The following AP1B1 variants were observed in gnomAD, a reference collection of about 807,000 sequenced individuals.
The protein encoded by AP1B1 is adaptor related protein complex 1 subunit beta 1.
In AP1B1, 36 loss-of-function variants were observed where a neutral mutation model predicts 104.3. That is an observed-to-expected ratio of 0.35 (90% CI 0.26 to 0.46). AP1B1 has a LOEUF of 0.46. Ranked by LOEUF, AP1B1 falls within the 20% of genes least tolerant of loss-of-function variation. The pLI, the probability that AP1B1 is intolerant of heterozygous loss-of-function variation, is 1.00. For synonymous variants in AP1B1, 504 were observed against 517.5 expected (o/e 0.97, Z 0.35); for missense variants, 901 against 1,247.9 (o/e 0.72, Z 4.19).
At chr22:29,377,350 C>T (rs1379902989) in intron 1 of AP1B1, among the ~76,000 whole-genome samples, 3 of 151,966 alleles carry the variant, frequency 2.0e-5, no homozygotes, top group African/African-American at 2.4e-5. Flanking sequence ...TCTGAGAAAA[C>T]GTGGTTACCA....
rs754335314 is a variant in AP1B1, at chr22:29,358,796, T to C, written c.455A>G (p.Asn152Ser). ...AVCVAKLHDI[N>S]AQLVEDQGFL... ...GCCCTGGTCCTCCACCAGCTGGGCG[T>C]TGATGTCGTGGAGCTTGGCCACGCA... The change falls in exon 5 of 23, where the codon AAC becomes AGC. Residue 152 changes from asparagine to serine, a missense_variant. Physicochemically the swap from Asn to Ser is conservative, Grantham distance 46. Around this residue, in one of 3 missense-constraint regions of AP1B1, gnomAD observed 471 missense variants for 696.7 expected, o/e 0.68. Coordinates refer to ENST00000357586, the MANE Select transcript of AP1B1 (RefSeq NM_001127.4). 7 of 1,614,118 alleles carry C rather than the reference T, an allele frequency of 4.3e-6. No homozygotes were observed. Among genetic ancestry groups the C allele is most frequent in the East Asian group, 2.2e-5 (1 of 44,900 alleles).
chr22:29,343,489 G>A (rs1049558574), intron 11 of AP1B1, among the ~76,000 whole-genome samples: 1 of 152,274 alleles, frequency 6.6e-6, no homozygotes, highest in Non-Finnish European at 1.5e-5. Flanking sequence ...CAGATGAGCA[G>A]TAGGCTGGCT....
chr22:29,351,297 G>C (rs1437227097), intron 8 of AP1B1, 31 bp from the exon 9 acceptor site: 1 of 1,606,940 alleles, frequency 6.2e-7, no homozygotes, highest in Admixed American at 1.7e-5. Flanking sequence ...ATGGGGCTGG[G>C]GCACCTGATG....
At chr22:29,329,523 A>T in intron 22 of AP1B1, 189 bp downstream of exon 22, 1 of 1,431,534 alleles carries the variant, frequency 7.0e-7, no homozygotes, top group Non-Finnish European at 9.1e-7. Flanking sequence ...CCTAGGAAGG[A>T]CTCTGTGCAC....
At chr22:29,335,690 C>G (rs936592928) in intron 16 of AP1B1, among the ~76,000 whole-genome samples, 5 of 152,200 alleles carry the variant, frequency 3.3e-5, no homozygotes, top group African/African-American at 1.2e-4. Context: ...CTCCACGGGC[C>G]TTGGCCTCCA....
chr22:29,338,270 T>A (rs1346524977), intron 16 of AP1B1, among the ~76,000 whole-genome samples: 1 of 152,212 alleles, frequency 6.6e-6, no homozygotes, highest in East Asian at 1.9e-4. Flanking sequence ...GGAAGCCTGT[T>A]CTTTATCTTA....
intron 3 of AP1B1, among the ~76,000 whole-genome samples, 195 bp downstream of exon 3, chr22:29,362,805 CT>C (rs1285297525): frequency 6.6e-6 from 1 of 152,160 alleles, no homozygotes; most frequent in Non-Finnish European, 1.5e-5. Flanking sequence ...CCATAACCAC[CT>C]GACCTGTCAG....
intron 3 of AP1B1, among the ~76,000 whole-genome samples, chr22:29,362,219 G>A (rs748930734): frequency 2.6e-5 from 4 of 152,264 alleles, no homozygotes; most frequent in Non-Finnish European, 5.9e-5. Context: ...GACAGAGGCT[G>A]CACACCGGTG....
chr22:29,342,524 C>T (rs2061730008), intron 11 of AP1B1, 141 bp from the exon 12 acceptor site: 1 of 679,538 alleles, frequency 1.5e-6, no homozygotes, highest in Non-Finnish European at 2.5e-6. Context: ...GCTGTCACGG[C>T]ACACAGGCAA....
rs568723630 is a variant in AP1B1 at position 29,330,632 on chromosome 22, G to C, written c.2602C>G (p.Leu868Val). Residue 868 changes from leucine (L) to valine (V), a missense_variant, in exon 20 of 23, where the codon CTC becomes GTC. Physicochemically the swap from Leu to Val is conservative, Grantham distance 32. Transcript: ENST00000357586. ...EAQFQIRDCP[L>V]NAEAASSKLQ... ...GGCTCGGAGTCCTCACCTGCATTGA[G>C]GGGGCAGTCTCTGATCTGGAACTGG... is the stretch of plus-strand genomic sequence containing the variant. 3 of 1,613,892 alleles carry C rather than the reference G, an allele frequency of 1.9e-6. No homozygotes were observed. Among genetic ancestry groups the C allele is most frequent in the Admixed American group, 1.7e-5 (1 of 60,026 alleles).
At position 29,349,207 on chromosome 22, in the gene AP1B1, C is replaced by T. The variant is rs1258964492; in HGVS notation, c.1437+11G>A. On this transcript the variant is annotated intron_variant, in intron 11 of 22. Transcript: ENST00000357586. ...GTCATGACTCACACCCTGGCCAGCT[C>T]GCTGGCTCACCTGTGTGCTCTCGTC... The T allele has an allele frequency of 6.2e-6, 10 of 1,611,112 alleles. No homozygotes were observed. Among genetic ancestry groups the T allele is most frequent in the African/African-American group, 5.3e-5 (4 of 74,926 alleles).
chr22:29,331,200 G>C (rs962803765), intron 19 of AP1B1, among the ~76,000 whole-genome samples: 3 of 152,140 alleles, frequency 2.0e-5, no homozygotes, highest in African/African-American at 7.2e-5. Flanking sequence ...GCTGAGGAGC[G>C]AGCAGGAGAG....
Position 29,331,545 on chromosome 22 carries a change from G to A in AP1B1, c.2440-12C>T. 6.2e-7 allele frequency: 1 copy of A among 1,614,122 alleles called. No homozygotes were observed. Among genetic ancestry groups the A allele is most frequent in the Non-Finnish European group, 8.5e-7 (1 of 1,180,006 alleles). The stretch of plus-strand genomic sequence containing the variant: ...TTCTTCACGGCCACCTAGGCACAAG[G>A]GGGTCCCCAGTCAGTCTCTGGGGCT... On this transcript the variant is annotated splice_polypyrimidine_tract_variant and intron_variant, in intron 18 of 22. Coordinates refer to ENST00000357586, the MANE Select transcript of AP1B1 (RefSeq NM_001127.4).
intron 1 of AP1B1, among the ~76,000 whole-genome samples, chr22:29,378,819 A>C (rs1333950616): frequency 1.4e-5 from 2 of 146,590 alleles, no homozygotes; most frequent in East Asian, 4.0e-4. Flanking sequence ...AGATCGTGTC[A>C]CTGCACTCCA....
intron 11 of AP1B1, among the ~76,000 whole-genome samples, chr22:29,343,927 A>G (rs1382041423): frequency 3.3e-5 from 5 of 152,122 alleles, no homozygotes; most frequent in African/African-American, 4.8e-5. Flanking sequence ...CCTGGCCAAC[A>G]TGGTGAAACC....
rs145458957 is a variant in AP1B1 at position 29,328,842 on chromosome 22, G to A, written c.2829C>T (p.Tyr943=). ...PEVSQHVYQA[Y]ETILKN is the part of the protein sequence containing the mutation. Reference sequence around the variant, plus strand: ...GGTCTCAGTTCTTGAGGATGGTCTCGTAGGCCTGGTACACGTGCTGGGACA... The same window carrying A: ...GGTCTCAGTTCTTGAGGATGGTCTCATAGGCCTGGTACACGTGCTGGGACA... Residue 943 remains tyrosine (Y), a synonymous_variant, in exon 23 of 23, where the codon TAC becomes TAT. Transcript: ENST00000357586. The surrounding 1 kb of genome is among the most constrained non-coding windows in gnomAD (Gnocchi z 4.1). The A allele has an allele frequency of 1.6e-5, 25 of 1,608,408 alleles. No homozygotes were observed. Among genetic ancestry groups the A allele is most frequent in the East Asian group, 2.2e-5 (1 of 44,748 alleles).
At chr22:29,330,314 C>T (rs2061537516) in intron 21 of AP1B1, 64 bp downstream of exon 21, 2 of 1,601,224 alleles carry the variant, frequency 1.2e-6, no homozygotes, top group East Asian at 4.5e-5. Context: ...TCCACCAGGG[C>T]CACCCCCTGG....
At chr22:29,332,071 G>GACCCACAGCCCATCCTT in intron 17 of AP1B1, 155 bp from the exon 18 acceptor site, 1 of 717,954 alleles carries the variant, frequency 1.4e-6, no homozygotes, top group Non-Finnish European at 2.2e-6. Context: ...AGAAGGATGG[G>GACCCACAGCCCATCCTT]CTGTGGGTCC....
chr22:29,341,631 C>G lies in AP1B1; in HGVS notation c.1666G>C (p.Glu556Gln). Residue 556 changes from glutamate to glutamine, a missense_variant, in exon 13 of 23, where the codon GAG becomes CAG. Transcript: ENST00000357586. ...PLISEETDLI[E>Q]PTLLDELICY... ...ATAAGCTCGTCTAACAGTGTGGGCT[C>G]GATGAGGTCCGTCTCTTCAGAGATG... 2 of 1,614,188 alleles carry G rather than the reference C, an allele frequency of 1.2e-6. No individual in the cohort carries two copies. Among genetic ancestry groups the G allele is most frequent in the Non-Finnish European group, 1.7e-6 (2 of 1,180,024 alleles).
Sources: gnomAD v4.1 joint callset for allele counts (sites outside exome capture counted in the v4.1 genomes callset) on GRCh38, gnomAD v4.1.1 for gene constraint, gnomAD v4.1.1 regional missense constraint, Gnocchi (gnomAD v3.1) non-coding constraint, MANE v1.5 for transcripts, NCBI Gene and HGNC (gene_info 2026-07-23, HGNC 2026-07-21) for gene names.